PDE4D: variants seen among roughly 807,000 people sequenced by gnomAD.
The protein encoded by PDE4D is 3',5'-cyclic-AMP phosphodiesterase 4D.
Under a neutral mutation model 87.4 loss-of-function variants are expected in PDE4D, and 24 were observed. That is an observed-to-expected ratio of 0.27 (90% CI 0.20 to 0.39). The LOEUF (loss-of-function observed/expected upper bound fraction) is 0.39. Among genes scored for constraint, PDE4D ranks in the 10% least tolerant of loss-of-function variants. The pLI is 1.00. For synonymous variants in PDE4D, 384 were observed against 383.2 expected, an observed-to-expected ratio of 1.00 and a Z score of -0.02; for missense variants, 714 against 1,041.0, an observed-to-expected ratio of 0.69 and a Z score of 4.32.
intron 1 of PDE4D, among the ~76,000 whole-genome samples, chr5:59,244,658 A>ATGTG (rs1255352282): frequency 4.5e-5 from 6 of 133,034 alleles, no homozygotes; most frequent in Non-Finnish European, 4.8e-5. Flanking sequence ...ATGTATAGAT[A>ATGTG]TATGTATGTA....
intron 1 of PDE4D, among the ~76,000 whole-genome samples, chr5:59,600,837 TA>T (rs1278783707): frequency 3.3e-5 from 5 of 152,174 alleles, no homozygotes; most frequent in African/African-American, 1.2e-4. Flanking sequence ...TAAAAACAAA[TA>T]AAAGCTATGC....
At chr5:60,049,614 A>T (rs1769824486) in intron 2 of PDE4D, among the ~76,000 whole-genome samples, 1 of 152,096 alleles carries the variant, frequency 6.6e-6, no homozygotes, top group African/African-American at 2.4e-5. Context: ...GGTCTGTTGG[A>T]GTACCCAGCC....
intron 2 of PDE4D, among the ~76,000 whole-genome samples, chr5:60,139,707 C>T (rs1780360913): frequency 6.6e-6 from 1 of 151,934 alleles, no homozygotes; most frequent in Non-Finnish European, 1.5e-5. Context: ...GTCTGTTTTT[C>T]TCAAACTATA....
intron 1 of PDE4D, among the ~76,000 whole-genome samples, chr5:59,681,954 A>G (rs1490742519): frequency 6.7e-6 from 1 of 150,314 alleles, no homozygotes; most frequent in Non-Finnish European, 1.5e-5. Flanking sequence ...TTTCTTGCCC[A>G]TGTGATACCT....
chr5:59,776,280 T>G (rs1764069744), intron 1 of PDE4D, among the ~76,000 whole-genome samples: 1 of 152,202 alleles, frequency 6.6e-6, no homozygotes, highest in Non-Finnish European at 1.5e-5. Flanking sequence ...TTTCCCAGTA[T>G]GAAGTCATAT....
rs116001248 is a variant in PDE4D, at chr5:60,279,172, T to G, written c.-89-93485A>C. On this transcript the variant is annotated intron_variant, in intron 1 of 16. Coordinates refer to the PDE4D transcript ENST00000502484. ...TACTGCTGGGTGAAGGTGAGAATTCTAGGAGTTCCAACTCCCAGTTGGAAC... is the reference window on the plus strand; with the variant it reads ...TACTGCTGGGTGAAGGTGAGAATTCGAGGAGTTCCAACTCCCAGTTGGAAC... 5.0e-3 allele frequency among the ~76,000 whole-genome samples: 765 copies of G among 152,258 alleles called. 5 individuals are homozygous for G. The highest frequency in any genetic ancestry group is 0.017 in the African/African-American group (722 of 41,550).
intron 6 of PDE4D, among the ~76,000 whole-genome samples, chr5:59,025,953 A>G (rs1756157601): frequency 6.6e-6 from 1 of 152,266 alleles, no homozygotes; most frequent in African/African-American, 2.4e-5. Context: ...CTGTCCCTAT[A>G]GGGATTACAG....
intron 1 of PDE4D, among the ~76,000 whole-genome samples, chr5:59,417,896 G>C (rs1293330940): frequency 1.3e-5 from 2 of 152,164 alleles, no homozygotes; most frequent in Non-Finnish European, 2.9e-5. Flanking sequence ...TTCCACGTTA[G>C]GCCCTAATTA....
chr5:59,556,060 A>G (rs1818854196), intron 1 of PDE4D, among the ~76,000 whole-genome samples: 1 of 152,130 alleles, frequency 6.6e-6, no homozygotes, highest in Admixed American at 6.6e-5. Context: ...TCTGGAAGGT[A>G]TTAGAGTTTA....
chr5:59,212,687 C>T (rs1397607097), intron 2 of PDE4D, among the ~76,000 whole-genome samples: 2 of 151,980 alleles, frequency 1.3e-5, no homozygotes, highest in South Asian at 2.1e-4. Flanking sequence ...CAGTTTACTA[C>T]AATTTAAAAA....
chr5:60,217,364 T>C (rs1243928225), intron 1 of PDE4D, among the ~76,000 whole-genome samples: 1 of 151,988 alleles, frequency 6.6e-6, no homozygotes, highest in East Asian at 1.9e-4. Flanking sequence ...TATGAATGTT[T>C]TTATTAACAC....
chr5:59,549,004 C>T (rs753506746), intron 1 of PDE4D, among the ~76,000 whole-genome samples: 3 of 152,058 alleles, frequency 2.0e-5, no homozygotes, highest in African/African-American at 7.2e-5. Context: ...CACTCTCTGG[C>T]GTAAAGGCTG....
intron 5 of PDE4D, among the ~76,000 whole-genome samples, chr5:59,124,403 T>C (rs1348262300): frequency 6.6e-6 from 1 of 152,226 alleles, no homozygotes; most frequent in African/African-American, 2.4e-5. Context: ...CTCCTCCAGC[T>C]GCAGCTCCAC....
chr5:59,173,777 C>T (rs6450508), intron 5 of PDE4D, among the ~76,000 whole-genome samples: 35,874 of 152,076 alleles, frequency 0.24, 4,491 homozygotes, highest in African/African-American at 0.28. Context: ...GCTTCTCTGG[C>T]AATGGCTGGG....
chr5:59,672,371 G>T (rs966899292), intron 1 of PDE4D, among the ~76,000 whole-genome samples: 1 of 152,034 alleles, frequency 6.6e-6, no homozygotes, highest in African/African-American at 2.4e-5. Flanking sequence ...CCTAGAGCAA[G>T]GAATGAAATG....
rs767484822 is a variant in PDE4D, at chr5:58,975,242, G to A, written c.2014-162C>T. 1.3e-5 allele frequency among the ~76,000 whole-genome samples: 2 copies of A among 152,134 alleles called. No homozygotes were observed. The highest frequency in any genetic ancestry group is 2.9e-5 in the Non-Finnish European group (2 of 68,022). ...TTTCAACAACAACAGACCATTTAAA[G>A]TAAAGTATTGCTACTAGCTGGTCAA... is the stretch of plus-strand genomic sequence containing the variant. On this transcript the variant is annotated intron_variant, in intron 14 of 14. Coordinates refer to ENST00000340635, the MANE Select transcript of PDE4D (RefSeq NM_001104631.2). The surrounding 1 kb of genome is among the most constrained non-coding windows in gnomAD (Gnocchi z 4.2).
rs139492983 is a variant in PDE4D, at chr5:59,164,282, T to G, written c.808+16313A>C. Among the ~76,000 whole-genome samples, 53 of 152,352 alleles carry G rather than the reference T, an allele frequency of 3.5e-4. No individual in the cohort carries two copies. In the East Asian group the frequency reaches 9.4e-3, roughly 27 times the overall value. ...TTCAAGAGAAATTCAGTTGTTTTCTTTACTTCATTGTTGCTTACATTGAGC... is the reference window on the plus strand; with the variant it reads ...TTCAAGAGAAATTCAGTTGTTTTCTGTACTTCATTGTTGCTTACATTGAGC... On this transcript the variant is annotated intron_variant, in intron 5 of 14. Coordinates refer to ENST00000340635, the MANE Select transcript of PDE4D (RefSeq NM_001104631.2).
chr5:59,921,105 T>C (rs563403760), intron 3 of PDE4D, among the ~76,000 whole-genome samples: 78 of 152,214 alleles, frequency 5.1e-4, no homozygotes, highest in Non-Finnish European at 8.1e-4. Flanking sequence ...ACATAAAACA[T>C]CCTTACTAAA....
At chr5:60,085,824 G>A (rs1246641066) in intron 2 of PDE4D, among the ~76,000 whole-genome samples, 2 of 152,178 alleles carry the variant, frequency 1.3e-5, no homozygotes, top group Non-Finnish European at 2.9e-5. Flanking sequence ...TCAAAAGAGG[G>A]CTGATTAATT....
Sources: gnomAD v4.1 joint callset for allele counts (sites outside exome capture counted in the v4.1 genomes callset) on GRCh38, gnomAD v4.1.1 for gene constraint, Gnocchi (gnomAD v3.1) non-coding constraint, MANE v1.5 for transcripts, NCBI Gene and HGNC (gene_info 2026-07-23, HGNC 2026-07-21) for gene names.